Variants in CLCN4 observed in about 807,000 individuals in gnomAD.
The protein encoded by CLCN4 is Cl-/H+ antiporter 4, also known as H(+)/Cl(-) exchange transporter 4.
In CLCN4, 1 loss-of-function variant was observed where a neutral mutation model predicts 41.7. That is an observed-to-expected ratio of 0.02 (90% CI 0.01 to 0.11). The LOEUF (loss-of-function observed/expected upper bound fraction) is 0.11. Ranked by LOEUF, CLCN4 falls within the 10% of genes least tolerant of loss-of-function variation. CLCN4 has a pLI of 1.00. For missense variants in CLCN4, 287 were observed against 661.0 expected (o/e 0.43, Z 6.20); for synonymous variants, 277 against 285.8 (o/e 0.97, Z 0.31).
At chrX:10,178,275 A>C (rs1235852041) in intron 2 of CLCN4, among the ~76,000 whole-genome samples, 1 of 111,985 alleles carries the variant, frequency 8.9e-6, no homozygotes, top group Non-Finnish European at 1.9e-5. Context: ...AAAAGAGTAC[A>C]TCTTATGGTA....
intron 12 of CLCN4, among the ~76,000 whole-genome samples, chrX:10,226,193 C>A (rs1383171850): frequency 8.9e-6 from 1 of 111,744 alleles, no homozygotes; most frequent in Non-Finnish European, 1.9e-5. Context: ...CAAGCGGTCT[C>A]TCAGACCACA....
At chrX:10,205,377 G>A (rs1924353128) in intron 6 of CLCN4, among the ~76,000 whole-genome samples, 1 of 106,141 alleles carries the variant, frequency 9.4e-6, no homozygotes, top group Non-Finnish European at 1.9e-5. Flanking sequence ...GGAGGCTGAG[G>A]CAGGAGAATG....
intron 2 of CLCN4, among the ~76,000 whole-genome samples, chrX:10,174,900 T>C (rs1923478695): frequency 8.9e-6 from 1 of 112,476 alleles, no homozygotes; most frequent in Non-Finnish European, 1.9e-5. Flanking sequence ...CTACTTTTCA[T>C]TGTAGATTTA....
intron 2 of CLCN4, among the ~76,000 whole-genome samples, chrX:10,179,389 G>A (rs746402308): frequency 8.9e-6 from 1 of 111,794 alleles, no homozygotes; most frequent in African/African-American, 3.3e-5. Context: ...AAGTCTCTTG[G>A]TTAGTGGTCT....
chrX:10,184,947 G>A, intron 2 of CLCN4, 75 bp from the exon 3 acceptor site: 1 of 827,852 alleles, frequency 1.2e-6, no homozygotes, highest in South Asian at 3.0e-5. Context: ...AAGAAAATAG[G>A]GCACATGGAC....
chrX:10,205,245 G>A (rs762969141), intron 6 of CLCN4, among the ~76,000 whole-genome samples: 3 of 111,108 alleles, frequency 2.7e-5, no homozygotes, highest in South Asian at 3.8e-4. Context: ...AGGCCAAGGC[G>A]GGCGGATCAC....
chrX:10,199,463 G>A (rs1269222956), intron 6 of CLCN4, among the ~76,000 whole-genome samples: 1 of 111,974 alleles, frequency 8.9e-6, no homozygotes, highest in African/African-American at 3.3e-5. Flanking sequence ...CAACTTACGC[G>A]TTGCTGTGAA....
intron 2 of CLCN4, among the ~76,000 whole-genome samples, chrX:10,172,437 G>A (rs1047382569): frequency 2.7e-5 from 3 of 111,729 alleles, no homozygotes; most frequent in African/African-American, 6.5e-5. Flanking sequence ...TGAGTGGGGC[G>A]CTGGCAGCAT....
At position 10,158,281 on chromosome X, in the gene CLCN4, C is replaced by T; in HGVS notation, c.-274-8C>T. ...CTGTGTGTTGTTTTTCATAATTCTT[C>T]GCGAAAGGCCAGGCAAGCTGCACAC... is the stretch of plus-strand genomic sequence containing the variant. On this transcript the variant is annotated splice_region_variant and splice_polypyrimidine_tract_variant and intron_variant, in intron 1 of 12. Transcript: ENST00000380833. 3.4e-6 allele frequency: 1 copy of T among 290,651 alleles called. No homozygotes were observed. The highest frequency in any genetic ancestry group is 6.0e-6 in the Non-Finnish European group (1 of 166,071). The allele number at this position is 290,651 out of a possible 1,213,427, so 24.0% of individuals were successfully genotyped here. A position where few individuals can be genotyped will look rare whatever the true frequency, so the allele number is the denominator to read the frequency against.
At chrX:10,170,557 G>A (rs769793388) in intron 2 of CLCN4, among the ~76,000 whole-genome samples, 6 of 111,930 alleles carry the variant, frequency 5.4e-5, no homozygotes, top group African/African-American at 2.0e-4. Flanking sequence ...CTTAATGTGC[G>A]CCCTTGGATC....
At chrX:10,206,327 A>G (rs1280370838) in intron 6 of CLCN4, 31 bp from the exon 7 acceptor site, 3 of 1,108,253 alleles carry the variant, frequency 2.7e-6, no homozygotes, top group Non-Finnish European at 3.7e-6. Flanking sequence ...GAAGGAGTTC[A>G]TTCCCTCTTG....
chrX:10,197,716 C>T (rs1924133111), intron 5 of CLCN4, among the ~76,000 whole-genome samples: 1 of 111,690 alleles, frequency 9.0e-6, no homozygotes, highest in Non-Finnish European at 1.9e-5. Flanking sequence ...CGCGTGTAAA[C>T]AGCTCCCAGA....
chrX:10,226,796 T>G (rs1245051791), intron 12 of CLCN4, among the ~76,000 whole-genome samples: 1 of 110,721 alleles, frequency 9.0e-6, no homozygotes, highest in Non-Finnish European at 1.9e-5. Context: ...CTAGAAAATC[T>G]AGAAGAAATA....
intron 12 of CLCN4, among the ~76,000 whole-genome samples, chrX:10,221,307 A>G (rs992198330): frequency 3.1e-4 from 35 of 111,711 alleles, no homozygotes; most frequent in African/African-American, 1.1e-3. Context: ...TAGGTACACA[A>G]CAGTCAAAAA....
chrX:10,213,540 C>T (rs576838872), intron 10 of CLCN4, 141 bp from the exon 11 acceptor site: 5 of 563,883 alleles, frequency 8.9e-6, no homozygotes, highest in African/African-American at 4.6e-5. Context: ...TTCCAGAGGC[C>T]CAGTGTAGGA....
At chrX:10,164,380 C>A (rs1179722209) in intron 2 of CLCN4, among the ~76,000 whole-genome samples, 9 of 111,781 alleles carry the variant, frequency 8.1e-5, no homozygotes, top group Non-Finnish European at 7.5e-5. Flanking sequence ...AGGGGGCAGG[C>A]CATCCTGGAA....
At chrX:10,218,215 A>G in intron 11 of CLCN4, among the ~76,000 whole-genome samples, 1 of 112,356 alleles carries the variant, frequency 8.9e-6, no homozygotes, top group South Asian at 3.7e-4. Flanking sequence ...CACTCCAAAT[A>G]TTGGGGAAAT....
intron 2 of CLCN4, among the ~76,000 whole-genome samples, chrX:10,161,124 GCTCTCTCTCTCT>G (rs34687262): frequency 7.7e-4 from 66 of 86,268 alleles, no homozygotes; most frequent in Admixed American, 1.2e-3. Context: ...CCATCAGCTT[GCTCTCTCTCTCT>G]CTCTCTCTCT....
intron 4 of CLCN4, among the ~76,000 whole-genome samples, chrX:10,194,707 C>T (rs747977924): frequency 6.1e-4 from 69 of 112,283 alleles, no homozygotes; most frequent in African/African-American, 2.1e-3. Context: ...GCTTGTGCTG[C>T]CTTGCCCATA....
Sources: gnomAD v4.1 joint callset for allele counts (sites outside exome capture counted in the v4.1 genomes callset) on GRCh38, gnomAD v4.1.1 for gene constraint, MANE v1.5 for transcripts, NCBI Gene and HGNC (gene_info 2026-07-23, HGNC 2026-07-21) for gene names.